The following MEI4 variants were observed in gnomAD, a reference collection of about 807,000 sequenced individuals.
The protein encoded by MEI4 is meiosis-specific protein MEI4.
Under a neutral mutation model 31.4 loss-of-function variants are expected in MEI4, and 27 were observed. The observed-to-expected ratio is 0.86, with a 90% CI of 0.63 to 1.19. The LOEUF is 1.19. Among genes scored for constraint, MEI4 ranks in the 50% most tolerant of loss-of-function variants. The pLI is 0.00. For synonymous variants in MEI4, 122 were observed against 145.4 expected (o/e 0.84, Z 1.16); for missense variants, 329 against 398.9 (o/e 0.82, Z 1.49).
At chr6:77,748,401 T>A (rs1031639697) in intron 2 of MEI4, among the ~76,000 whole-genome samples, 2 of 152,224 alleles carry the variant, frequency 1.3e-5, no homozygotes, top group Admixed American at 1.3e-4. Context: ...TGCTTGGGGT[T>A]TACACCCACT....
chr6:77,830,483 A>G (rs1770052402), intron 4 of MEI4, among the ~76,000 whole-genome samples: 1 of 152,090 alleles, frequency 6.6e-6, no homozygotes, highest in South Asian at 2.1e-4. Context: ...AAGACTGCAG[A>G]AAGAGCATAT....
At chr6:77,743,430 A>C (rs149141392) in intron 2 of MEI4, among the ~76,000 whole-genome samples, 10,537 of 152,048 alleles carry the variant, frequency 0.069, 540 homozygotes, top group Non-Finnish European at 0.11. Flanking sequence ...TTTGTCTGTT[A>C]TTGGTGTATA....
rs529585940 is a variant in MEI4 at position 77,746,902 on chromosome 6, T to C, written c.233-14228T>C. Reference sequence around the variant, plus strand: ...ATTGTGTATTTTTATGTGCGATGCATGAAGATGATTTGTTCAGTTCTATAA... The same window carrying C: ...ATTGTGTATTTTTATGTGCGATGCACGAAGATGATTTGTTCAGTTCTATAA... On this transcript the variant is annotated intron_variant, in intron 2 of 4. Coordinates refer to ENST00000684080, the MANE Select transcript of MEI4 (RefSeq NM_001322247.2). 3.2e-4 allele frequency among the ~76,000 whole-genome samples: 49 copies of C among 152,204 alleles called. No individual in the cohort carries two copies. In the South Asian group the frequency reaches 4.6e-3, roughly 14 times the overall value.
chr6:77,913,329 CTT>C (rs1766471750), intron 4 of MEI4, among the ~76,000 whole-genome samples: 2 of 152,106 alleles, frequency 1.3e-5, no homozygotes, highest in African/African-American at 2.4e-5. Context: ...ATTCACTCCT[CTT>C]CAGTTGTTTG....
chr6:77,817,215 A>G (rs536060242), intron 3 of MEI4, among the ~76,000 whole-genome samples: 1 of 152,286 alleles, frequency 6.6e-6, no homozygotes, highest in Non-Finnish European at 1.5e-5. Context: ...TTAGGTTCAA[A>G]TAAGTCCCTG....
At chr6:77,884,734 C>T (rs1157061638) in intron 4 of MEI4, among the ~76,000 whole-genome samples, 1 of 152,126 alleles carries the variant, frequency 6.6e-6, no homozygotes, top group African/African-American at 2.4e-5. Context: ...TATACCAATA[C>T]CATTCTGGTT....
At chr6:77,805,973 G>C (rs1195151516) in intron 3 of MEI4, among the ~76,000 whole-genome samples, 1 of 152,034 alleles carries the variant, frequency 6.6e-6, no homozygotes, top group African/African-American at 2.4e-5. Context: ...AGGATGTAAA[G>C]AATATTTCTT....
intron 3 of MEI4, among the ~76,000 whole-genome samples, chr6:77,824,323 A>G (rs1769895204): frequency 6.6e-6 from 1 of 152,030 alleles, no homozygotes; most frequent in South Asian, 2.1e-4. Context: ...CTGGTCTCGA[A>G]CTCCTGACCT....
Position 77,820,561 on chromosome 6 carries a change from C to T in MEI4, c.769-8370C>T, listed in dbSNP as rs373936417. Among the ~76,000 whole-genome samples, 314 of 152,222 alleles carry T rather than the reference C, an allele frequency of 2.1e-3. 2 individuals carry two copies. The highest frequency in any genetic ancestry group is 8.7e-3 in the East Asian group (45 of 5,174). ...GATTACAGTCATGAGCCACTGTGCC[C>T]GGCCGGTTTTCTTTTTTAAATCCCT... On this transcript the variant is annotated intron_variant, in intron 3 of 4. Coordinates refer to ENST00000684080, the MANE Select transcript of MEI4 (RefSeq NM_001322247.2). The surrounding 1 kb of genome is among the most constrained non-coding windows in gnomAD (Gnocchi z 4.5).
chr6:77,827,587 G>A (rs1478245701), intron 3 of MEI4, among the ~76,000 whole-genome samples: 2 of 152,016 alleles, frequency 1.3e-5, no homozygotes, highest in Non-Finnish European at 2.9e-5. Context: ...AGTAATCTGG[G>A]AAGAATTACT....
In MEI4 at chr6:77,925,567, T is replaced by A. The variant is rs533483777; in HGVS notation, c.*2221T>A. The stretch of plus-strand genomic sequence containing the variant: ...TTAAGAATGTTATAACAGTTTATAT[T>A]TAGGTAATGTCTAACTTTAGAATTA... On this transcript the variant is annotated 3_prime_UTR_variant, in exon 5 of 5. Coordinates refer to ENST00000684080, the MANE Select transcript of MEI4 (RefSeq NM_001322247.2). 32 of 151,732 alleles carry A rather than the reference T, an allele frequency of 2.1e-4. No individual in the cohort carries two copies. Among genetic ancestry groups the A allele is most frequent in the African/African-American group, 7.2e-4 (30 of 41,480 alleles). The allele number at this position is 151,732 out of a possible 1,614,324, so 9.4% of individuals were successfully genotyped here.
chr6:77,738,037 T>C (rs1767298752), intron 2 of MEI4, among the ~76,000 whole-genome samples: 1 of 152,198 alleles, frequency 6.6e-6, no homozygotes, highest in Non-Finnish European at 1.5e-5. Flanking sequence ...AAAAGAATTC[T>C]TTGAGGCAGT....
rs74574406 is a variant in MEI4 at position 77,736,139 on chromosome 6, C to T, written c.233-24991C>T. 1.3e-3 allele frequency among the ~76,000 whole-genome samples: 192 copies of T among 152,188 alleles called. 1 individual carries two copies. Among genetic ancestry groups the T allele is most frequent in the Admixed American group, 4.0e-3 (61 of 15,294 alleles). On this transcript the variant is annotated intron_variant, in intron 2 of 4. Coordinates refer to ENST00000684080, the MANE Select transcript of MEI4 (RefSeq NM_001322247.2). ...GAGCCTACAGAGGCAGGCAGGCCTC[C>T]TTTGAGCTGTTGTGGGCTCCACCGG...
At chr6:77,685,927 G>C (rs1363547667) in intron 1 of MEI4, among the ~76,000 whole-genome samples, 1 of 152,168 alleles carries the variant, frequency 6.6e-6, no homozygotes, top group African/African-American at 2.4e-5. Flanking sequence ...GTTGGAATGT[G>C]ATCTTCAAGA....
intron 4 of MEI4, among the ~76,000 whole-genome samples, chr6:77,876,901 T>C (rs1406078535): frequency 6.6e-6 from 1 of 151,870 alleles, no homozygotes; most frequent in African/African-American, 2.4e-5. Context: ...ATGTGGAAGA[T>C]ATGAAGGAAA....
intron 2 of MEI4, among the ~76,000 whole-genome samples, chr6:77,744,145 A>G (rs1430513194): frequency 4.6e-5 from 7 of 152,230 alleles, no homozygotes; most frequent in African/African-American, 1.7e-4. Context: ...TTGAGAGAAG[A>G]AGGCTTCAGA....
chr6:77,913,176 G>A (rs1766468782), intron 4 of MEI4, among the ~76,000 whole-genome samples: 1 of 152,078 alleles, frequency 6.6e-6, no homozygotes, highest in Non-Finnish European at 1.5e-5. Context: ...GATGCGCTGT[G>A]TATTTGGTTT....
At chr6:77,667,862 C>G (rs1423313508) in intron 1 of MEI4, among the ~76,000 whole-genome samples, 1 of 151,584 alleles carries the variant, frequency 6.6e-6, no homozygotes, top group Non-Finnish European at 1.5e-5. Flanking sequence ...CCTGTGTAGC[C>G]AGACTGTCCA....
chr6:77,726,829 A>AAT (rs1343157161), intron 2 of MEI4, among the ~76,000 whole-genome samples: 1 of 51,844 alleles, frequency 1.9e-5, no homozygotes, highest in Non-Finnish European at 3.6e-5. Flanking sequence ...TAACAGACAA[A>AAT]AATAAGCTTA....
Sources: gnomAD v4.1 joint callset for allele counts (sites outside exome capture counted in the v4.1 genomes callset) on GRCh38, gnomAD v4.1.1 for gene constraint, Gnocchi (gnomAD v3.1) non-coding constraint, MANE v1.5 for transcripts, NCBI Gene and HGNC (gene_info 2026-07-23, HGNC 2026-07-21) for gene names.